CNTN5: variants seen among roughly 807,000 people sequenced by gnomAD.
The protein encoded by CNTN5 is contactin 5.
CNTN5 carries 77 observed loss-of-function variants against 129.1 expected under a neutral mutation model. The ratio of observed to expected loss-of-function variants is 0.60; its 90% CI spans 0.50 to 0.72. The LOEUF is 0.72. Ranked by LOEUF, CNTN5 falls within the 30% of genes least tolerant of loss-of-function variation. The probability of loss-of-function intolerance (pLI) is 0.00; values close to 1 mark genes in which losing one functional copy is unlikely to be tolerated. For missense variants in CNTN5, 1,478 were observed against 1,328.8 expected (o/e 1.11, Z -1.75); for synonymous variants, 509 against 465.6 (o/e 1.09, Z -1.20).
chr11:99,587,299 T>C (rs556767093), intron 3 of CNTN5, among the ~76,000 whole-genome samples: 1 of 152,330 alleles, frequency 6.6e-6, no homozygotes, highest in Non-Finnish European at 1.5e-5. Context: ...GCTACCATTA[T>C]ATAGAGAATG....
intron 1 of CNTN5, among the ~76,000 whole-genome samples, chr11:99,122,064 A>G (rs1858367270): frequency 2.0e-5 from 3 of 152,166 alleles, no homozygotes; most frequent in African/African-American, 7.2e-5. Context: ...TACATGTGCC[A>G]TGTTGGTGTG....
chr11:99,268,927 A>G (rs1026956131), intron 1 of CNTN5, among the ~76,000 whole-genome samples: 4 of 152,016 alleles, frequency 2.6e-5, no homozygotes, highest in African/African-American at 9.7e-5. Context: ...TGACCCTAAA[A>G]TCAGAGTAGA....
At chr11:99,752,105 A>G (rs1944256701) in intron 3 of CNTN5, among the ~76,000 whole-genome samples, 1 of 152,122 alleles carries the variant, frequency 6.6e-6, no homozygotes, top group Admixed American at 6.5e-5. Flanking sequence ...AGACTAAGTT[A>G]TTTCATTATA....
intron 13 of CNTN5, among the ~76,000 whole-genome samples, chr11:100,087,724 A>G (rs538917526): frequency 1.8e-4 from 28 of 152,060 alleles, no homozygotes; most frequent in African/African-American, 6.7e-4. Flanking sequence ...AGATCATCAA[A>G]TCAGAAAACT....
At chr11:99,929,408 A>C (rs1950139736) in intron 7 of CNTN5, among the ~76,000 whole-genome samples, 1 of 147,962 alleles carries the variant, frequency 6.8e-6, no homozygotes. Context: ...GCAGTGCCCC[A>C]CTCTCCGTGG....
At chr11:99,347,692 C>T (rs946118775) in intron 2 of CNTN5, among the ~76,000 whole-genome samples, 1 of 151,530 alleles carries the variant, frequency 6.6e-6, no homozygotes, top group African/African-American at 2.4e-5. Context: ...GCGTTATTTG[C>T]ATTTTTTTGG....
chr11:99,161,106 T>G (rs1860590345), intron 1 of CNTN5, among the ~76,000 whole-genome samples: 1 of 152,146 alleles, frequency 6.6e-6, no homozygotes, highest in South Asian at 2.1e-4. Context: ...ATTCCTCTCA[T>G]TTCACTAGAA....
intron 13 of CNTN5, among the ~76,000 whole-genome samples, chr11:100,118,273 T>A (rs1945904658): frequency 6.6e-6 from 1 of 151,890 alleles, no homozygotes; most frequent in African/African-American, 2.4e-5. Context: ...CCTCACTACC[T>A]TTGGACTAGG....
intron 23 of CNTN5, among the ~76,000 whole-genome samples, chr11:100,342,213 A>T (rs1337362182): frequency 6.6e-6 from 1 of 150,562 alleles, no homozygotes; most frequent in Non-Finnish European, 1.5e-5. Context: ...GGAATATTGA[A>T]TTTGATCTTT....
chr11:99,368,521 C>A (rs1413635819), intron 2 of CNTN5, among the ~76,000 whole-genome samples: 2 of 151,730 alleles, frequency 1.3e-5, no homozygotes, highest in Non-Finnish European at 1.5e-5. Flanking sequence ...TATCTTCAGT[C>A]CTAAACAATC....
intron 24 of CNTN5, among the ~76,000 whole-genome samples, chr11:100,355,190 T>C (rs1022695341): frequency 1.3e-5 from 2 of 151,802 alleles, no homozygotes; most frequent in African/African-American, 4.8e-5. Context: ...AACTTTTTAA[T>C]ATTTTTTATT....
intron 2 of CNTN5, among the ~76,000 whole-genome samples, chr11:99,433,137 C>T (rs1943457390): frequency 6.6e-6 from 1 of 151,900 alleles, no homozygotes; most frequent in African/African-American, 2.4e-5. Context: ...GGACATTTAC[C>T]TCACTTCCCA....
intron 17 of CNTN5, among the ~76,000 whole-genome samples, chr11:100,259,705 TA>T (rs1421987931): frequency 1.3e-5 from 2 of 151,784 alleles, no homozygotes; most frequent in African/African-American, 4.8e-5. Flanking sequence ...ACTGGGTAAA[TA>T]ATGAAATTAA....
At chr11:99,395,457 A>G (rs1387181444) in intron 2 of CNTN5, among the ~76,000 whole-genome samples, 1 of 151,860 alleles carries the variant, frequency 6.6e-6, no homozygotes, top group African/African-American at 2.4e-5. Flanking sequence ...TGTTAGATGT[A>G]TAATTTGCAA....
chr11:100,017,879 G>A (rs1356243492), intron 9 of CNTN5, among the ~76,000 whole-genome samples: 2 of 151,878 alleles, frequency 1.3e-5, no homozygotes, highest in Admixed American at 1.3e-4. Context: ...TTTAGTCTGT[G>A]GGTTTTATTG....
chr11:99,105,084 T>C (rs993425882), intron 1 of CNTN5, among the ~76,000 whole-genome samples: 2 of 152,126 alleles, frequency 1.3e-5, no homozygotes, highest in African/African-American at 4.8e-5. Flanking sequence ...TTAGCATTCT[T>C]GTGATGAAGG....
At chr11:99,639,633 C>A (rs532919589) in intron 3 of CNTN5, among the ~76,000 whole-genome samples, 1 of 125,862 alleles carries the variant, frequency 7.9e-6, no homozygotes, top group African/African-American at 3.0e-5. Context: ...GGTGCAATCT[C>A]GGCTCACTGA....
intron 2 of CNTN5, among the ~76,000 whole-genome samples, chr11:99,413,577 C>T (rs570669502): frequency 6.6e-6 from 1 of 152,040 alleles, no homozygotes; most frequent in East Asian, 1.9e-4. Context: ...TGAGATCATG[C>T]CACTTCACTC....
chr11:99,789,870 C>A (rs1192309485), intron 3 of CNTN5, among the ~76,000 whole-genome samples: 1 of 151,986 alleles, frequency 6.6e-6, no homozygotes, highest in Non-Finnish European at 1.5e-5. Flanking sequence ...TTGATCCCAT[C>A]ATCCAGGTAG....
Sources: gnomAD v4.1 joint callset for allele counts (sites outside exome capture counted in the v4.1 genomes callset) on GRCh38, gnomAD v4.1.1 for gene constraint, MANE v1.5 for transcripts, NCBI Gene and HGNC (gene_info 2026-07-23, HGNC 2026-07-21) for gene names.